WBP2NL: variants seen among roughly 807,000 people sequenced by gnomAD.
WBP2NL encodes WBP2 N-terminal like.
A neutral mutation model predicts 23.3 loss-of-function variants in WBP2NL; 27 were observed. That is an observed-to-expected ratio of 1.16 (90% CI 0.85 to 1.60). WBP2NL has a LOEUF of 1.60. WBP2NL is among the 40% of genes most tolerant of loss of function. The pLI is 0.00. For missense variants in WBP2NL, 370 were observed against 389.5 expected (o/e 0.95, Z 0.42); for synonymous variants, 151 against 145.9 (o/e 1.03, Z -0.25).
chr22:42,058,292 A>G (rs1010808104), exon 9 of WBP2NL: 1 of 151,962 alleles, frequency 6.6e-6, no homozygotes, highest in African/African-American at 2.4e-5. Flanking sequence ...CCTTTCAGAT[A>G]CTCTAGCTCA....
At chr22:42,043,016 G>GAAAAAAA (rs59812729) in intron 8 of WBP2NL, among the ~76,000 whole-genome samples, 1 of 55,386 alleles carries the variant, frequency 1.8e-5, no homozygotes, top group Admixed American at 2.2e-4. Context: ...AGTGAGCCAA[G>GAAAAAAA]AAAAAAAAAA....
At chr22:42,002,025 C>A in intron 1 of WBP2NL, 1 of 600,218 alleles carries the variant, frequency 1.7e-6, no homozygotes, top group South Asian at 5.0e-5. Flanking sequence ...GGCTTTGACT[C>A]CGGGGCTGAT....
intron 1 of WBP2NL, 62 bp from the exon 2 acceptor site, chr22:42,019,249 T>C (rs1923644685): frequency 2.0e-6 from 3 of 1,489,978 alleles, no homozygotes; most frequent in Non-Finnish European, 2.8e-6. Flanking sequence ...CGTTAAGAAC[T>C]TTATGTGTGT....
At chr22:42,001,684 G>A in intron 1 of WBP2NL, 1 of 1,214,056 alleles carries the variant, frequency 8.2e-7, no homozygotes, top group Non-Finnish European at 1.2e-6. Flanking sequence ...AGATCTGCTT[G>A]TATTTATCTT....
chr22:42,030,702 C>G (rs919506857), downstream of WBP2NL: 3 of 152,206 alleles, frequency 2.0e-5, no homozygotes, highest in African/African-American at 7.2e-5. Flanking sequence ...TTCTTCTTTT[C>G]TTACTTCCAA....
In WBP2NL at chr22:42,028,164, T is replaced by C. The variant is rs979539174; in HGVS notation, c.*983T>C. ...CCTATATGTCCATTAATAGGAAATA[T>C]ATGAATAGGCTATGGTATGCCCATA... On this transcript the variant is annotated 3_prime_UTR_variant, in exon 6 of 6. Transcript: ENST00000328823. The C allele has an allele frequency of 1.8e-5, 7 of 398,244 alleles. No individual in the cohort carries two copies. Among genetic ancestry groups the C allele is most frequent in the Middle Eastern group, 6.2e-4 (1 of 1,608 alleles). The allele number at this position is 398,244 out of a possible 1,614,324, so 24.7% of individuals were successfully genotyped here. A position where few individuals can be genotyped will look rare whatever the true frequency, so the allele number is the denominator to read the frequency against.
At position 42,027,280 on chromosome 22, in the gene WBP2NL, T is replaced by C. The variant is rs932725069; in HGVS notation, c.*99T>C. The C allele has an allele frequency of 9.8e-6, 14 of 1,435,466 alleles. No individual in the cohort carries two copies. The highest frequency in any genetic ancestry group is 2.9e-5 in the African/African-American group (2 of 69,794). The allele number at this position is 1,435,466 out of a possible 1,614,324, so 88.9% of individuals were successfully genotyped here. A position where few individuals can be genotyped will look rare whatever the true frequency, so the allele number is the denominator to read the frequency against. On this transcript the variant is annotated 3_prime_UTR_variant, in exon 6 of 6. Transcript: ENST00000328823. ...CGACTCAGGTATGTGATCACAGGCTTCTCGCAGGTAGTTGTTCCACCCTTT... is the reference window on the plus strand; with the variant it reads ...CGACTCAGGTATGTGATCACAGGCTCCTCGCAGGTAGTTGTTCCACCCTTT...
chr22:41,998,815 C>G lies in WBP2NL; in HGVS notation c.-4C>G. The stretch of plus-strand genomic sequence containing the variant: ...CTACGGGGCGGCAGGAGGCCCGAAG[C>G]AAGATGGCGGTGAATCAGAGCCACA... On this transcript the variant is annotated 5_prime_UTR_variant, in exon 1 of 6. Coordinates refer to ENST00000328823, the MANE Select transcript of WBP2NL (RefSeq NM_152613.3). 2 of 1,609,266 alleles carry G rather than the reference C, an allele frequency of 1.2e-6. No individual in the cohort carries two copies. The highest frequency in any genetic ancestry group is 1.7e-6 in the Non-Finnish European group (2 of 1,177,026).
At chr22:42,020,868 GTATATATATATATATATATA>G (rs1335645142) in intron 4 of WBP2NL, among the ~76,000 whole-genome samples, 12 of 15,236 alleles carry the variant, frequency 7.9e-4, no homozygotes, top group South Asian at 4.1e-3. Context: ...GTGTGTGTGT[GTATATATATATATATATATA>G]TATATATATA....
At chr22:42,055,599 A>G (rs5751209) in intron 8 of WBP2NL, among the ~76,000 whole-genome samples, 111,479 of 152,152 alleles carry the variant, frequency 0.73, 41,479 homozygotes, top group African/African-American at 0.87. Context: ...ATGTTCTGTA[A>G]ATGTCTGTTA....
In WBP2NL at chr22:42,027,173, C is replaced by T. The variant is rs1040191916; in HGVS notation, c.922C>T (p.His308Tyr). The change falls in exon 6 of 6, where the codon CAT (histidine) becomes TAT (tyrosine). Residue 308 changes from histidine to tyrosine, a missense_variant. His to Tyr is a moderately conservative substitution (Grantham distance 83). Transcript: ENST00000328823. Reference sequence around the variant, plus strand: ...TCCCTCTGCCTCCTCTTCTCAGGTCCATTCTTAACCTTCTAAGATGTAAAC... The same window carrying T: ...TCCCTCTGCCTCCTCTTCTCAGGTCTATTCTTAACCTTCTAAGATGTAAAC... ...SLPSASSSQV[H>Y]S 6.2e-7 allele frequency: 1 copy of T among 1,605,208 alleles called. No homozygotes were observed. The highest frequency in any genetic ancestry group is 8.5e-7 in the Non-Finnish European group (1 of 1,176,552).
rs1458786494 is a variant in WBP2NL at position 42,026,951 on chromosome 22, C to T, written c.700C>T (p.Pro234Ser). 1.9e-6 allele frequency: 3 copies of T among 1,613,070 alleles called. No individual in the cohort carries two copies. The East Asian group carries it at 6.7e-5, about 36-fold the overall frequency. ...YGAPPAGYGA[P>S]PLGYGAPPLG... is the part of the protein sequence containing the mutation. The stretch of plus-strand genomic sequence containing the variant: ...AGCCCCACCTGCAGGATATGGAGCC[C>T]CACCTCTAGGATATGGAGCCCCACC... The change falls in exon 6 of 6, where the codon CCA becomes TCA. Residue 234 changes from proline (P) to serine (S), a missense_variant. Transcript: ENST00000328823.
intron 1 of WBP2NL, among the ~76,000 whole-genome samples, chr22:42,017,562 C>T (rs1602454594): frequency 1.3e-5 from 2 of 152,182 alleles, no homozygotes; most frequent in Non-Finnish European, 2.9e-5. Flanking sequence ...TTATGTATGT[C>T]ATATATTGTT....
intron 1 of WBP2NL, among the ~76,000 whole-genome samples, chr22:42,007,991 A>G (rs1039952177): frequency 6.6e-6 from 1 of 152,132 alleles, no homozygotes; most frequent in Non-Finnish European, 1.5e-5. Flanking sequence ...TGTTTTCCAT[A>G]GCAGCTACTC....
chr22:42,035,177 C>G (rs1278443434), downstream of WBP2NL, among the ~76,000 whole-genome samples: 1 of 152,272 alleles, frequency 6.6e-6, no homozygotes, highest in Non-Finnish European at 1.5e-5. Flanking sequence ...ATTTGGGGAA[C>G]TAATAAATGT....
rs767830969 is a variant in WBP2NL, at chr22:42,026,781, C to G, written c.530C>G (p.Ala177Gly). Residue 177 changes from alanine to glycine, a missense_variant, in exon 6 of 6, where the codon GCC becomes GGC. Transcript: ENST00000328823. The stretch of plus-strand genomic sequence containing the variant: ...TAATTCCCAGTTATTGTCTATGGAG[C>G]CCCACCTGCAGGATATGGAGCCCCA... ...QMPCSVIVYG[A>G]PPAGYGAPPP... The G allele has an allele frequency of 1.9e-6, 3 of 1,613,768 alleles. No individual in the cohort carries two copies. Among genetic ancestry groups the G allele is most frequent in the Non-Finnish European group, 2.5e-6 (3 of 1,179,834 alleles).
chr22:42,008,810 G>C (rs967716996), intron 1 of WBP2NL, among the ~76,000 whole-genome samples: 1 of 149,790 alleles, frequency 6.7e-6, no homozygotes, highest in Non-Finnish European at 1.5e-5. Context: ...ATGGAGTCTC[G>C]CTCTGTTGCC....
chr22:42,033,943 C>T (rs1925084941), downstream of WBP2NL, among the ~76,000 whole-genome samples: 2 of 152,222 alleles, frequency 1.3e-5, no homozygotes, highest in African/African-American at 2.4e-5. Flanking sequence ...AGCTTTCAAG[C>T]CCTCCCTGGC....
chr22:42,001,899 T>C, intron 1 of WBP2NL: 1 of 1,464,526 alleles, frequency 6.8e-7, no homozygotes, highest in Middle Eastern at 2.2e-4. Flanking sequence ...TACCGCCATC[T>C]TGGAGATGGC....
Sources: gnomAD v4.1 joint callset for allele counts (sites outside exome capture counted in the v4.1 genomes callset) on GRCh38, gnomAD v4.1.1 for gene constraint, MANE v1.5 for transcripts, NCBI Gene and HGNC (gene_info 2026-07-23, HGNC 2026-07-21) for gene names.